Variants in NLRP14 observed in about 807,000 individuals in gnomAD.
NLRP14 encodes the protein NLR family pyrin domain containing 14.
A neutral mutation model predicts 94.7 loss-of-function variants in NLRP14; 105 were observed. The ratio of observed to expected loss-of-function variants is 1.11; its 90% confidence interval spans 0.95 to 1.30. The LOEUF is 1.30. Ranked by LOEUF, NLRP14 falls within the 50% of genes most tolerant of loss-of-function variation. NLRP14 has a pLI of 0.00. For missense variants in NLRP14, 1,362 were observed against 1,254.1 expected, an observed-to-expected ratio of 1.09 and a Z score of -1.30; for synonymous variants, 508 against 459.9, an observed-to-expected ratio of 1.10 and a Z score of -1.34.
intron 1 of NLRP14, among the ~76,000 whole-genome samples, chr11:7,032,184 T>C (rs1260331898): frequency 4.6e-5 from 7 of 152,224 alleles, no homozygotes; most frequent in African/African-American, 1.7e-4. Context: ...CTCAGTTGTG[T>C]TTTGAGTTAG....
intron 10 of NLRP14, among the ~76,000 whole-genome samples, chr11:7,067,477 G>C (rs1852721564): frequency 6.6e-6 from 1 of 152,154 alleles, no homozygotes; most frequent in African/African-American, 2.4e-5. Flanking sequence ...GTGAATGGGA[G>C]TTCACTCATG....
At chr11:7,072,121 A>G (rs1206777871), downstream of NLRP14, among the ~76,000 whole-genome samples, 19 of 152,232 alleles carry the variant, frequency 1.2e-4, no homozygotes, top group Admixed American at 1.2e-3. Context: ...GCTTAAAACA[A>G]TAATGATTTT....
chr11:7,090,475 G>A, the NLRP14 span: 6 of 836,032 alleles, frequency 7.2e-6, no homozygotes, highest in South Asian at 7.1e-5. Context: ...CTTAAAATTC[G>A]TTTAGTTTAG....
chr11:7,042,726 T>C lies in NLRP14; in HGVS notation c.700T>C (p.Ser234Pro). The C allele has an allele frequency of 6.2e-7, 1 of 1,614,190 alleles. No individual in the cohort carries two copies. Among genetic ancestry groups the C allele is most frequent in the Non-Finnish European group, 8.5e-7 (1 of 1,180,004 alleles). Residue 234 changes from serine (S) to proline (P), a missense_variant, in exon 4 of 12, where the codon TCA (serine) becomes CCA (proline). Transcript: ENST00000299481. ...LKERSFAQLI[S>P]KDWPSTEGPI... is the part of the protein sequence containing the mutation. ...AGAGAGAAGCTTTGCTCAATTGATA[T>C]CAAAGGACTGGCCCAGCACAGAAGG...
chr11:7,088,578 G>C, the NLRP14 span, among the ~76,000 whole-genome samples: 2 of 151,904 alleles, frequency 1.3e-5, no homozygotes, highest in African/African-American at 2.4e-5. Context: ...GGATAGACGA[G>C]GCTAAAAGCT....
intron 7 of NLRP14, among the ~76,000 whole-genome samples, 164 bp from the exon 8 acceptor site, chr11:7,058,116 C>T (rs1335609218): frequency 6.6e-6 from 1 of 151,778 alleles, no homozygotes; most frequent in Non-Finnish European, 1.5e-5. Context: ...TTCATCATAT[C>T]CTGCATACAG....
chr11:7,051,824 T>C (rs1343081906), intron 6 of NLRP14, among the ~76,000 whole-genome samples: 1 of 152,192 alleles, frequency 6.6e-6, no homozygotes, highest in East Asian at 1.9e-4. Flanking sequence ...GGTTTCACCA[T>C]GTTGGCCAGG....
chr11:7,080,338 C>T, the NLRP14 span, among the ~76,000 whole-genome samples: 1 of 152,160 alleles, frequency 6.6e-6, no homozygotes, highest in Non-Finnish European at 1.5e-5. Flanking sequence ...TACTATCTAT[C>T]CTTGATTACT....
chr11:7,069,144 A>G (rs1222369039), intron 10 of NLRP14, among the ~76,000 whole-genome samples: 1 of 152,226 alleles, frequency 6.6e-6, no homozygotes, highest in African/African-American at 2.4e-5. Context: ...GACTGAAAAT[A>G]TAAAATGATT....
chr11:7,049,353 T>C (rs550057791), intron 5 of NLRP14, among the ~76,000 whole-genome samples: 6 of 152,322 alleles, frequency 3.9e-5, no homozygotes, highest in South Asian at 2.1e-4. Flanking sequence ...GATTTGGCTA[T>C]TGTGAATTAA....
At chr11:7,075,255 G>A (rs1411868352), downstream of NLRP14, among the ~76,000 whole-genome samples, 3 of 152,230 alleles carry the variant, frequency 2.0e-5, no homozygotes, top group South Asian at 2.1e-4. Context: ...GCACTATCAC[G>A]AAATTTAAAG....
At chr11:7,030,825 G>T (rs879904836) in intron 1 of NLRP14, among the ~76,000 whole-genome samples, 1 of 152,152 alleles carries the variant, frequency 6.6e-6, no homozygotes, top group Non-Finnish European at 1.5e-5. Context: ...TCAATTCCCC[G>T]ACTTCCTCTT....
At chr11:7,076,612 C>T in the NLRP14 span, among the ~76,000 whole-genome samples, 4 of 152,166 alleles carry the variant, frequency 2.6e-5, no homozygotes, top group South Asian at 2.1e-4. Flanking sequence ...AATATCGCCT[C>T]CTCAGAGAGG....
chr11:7,032,834 G>A (rs1047295831), intron 1 of NLRP14, among the ~76,000 whole-genome samples: 3 of 152,102 alleles, frequency 2.0e-5, no homozygotes, highest in African/African-American at 7.2e-5. Flanking sequence ...AGTGTGAACT[G>A]TAACTCATAA....
chr11:7,070,429 C>G lies in NLRP14; in HGVS notation c.3119C>G (p.Ser1040Cys). 1 of 1,611,346 alleles carries G rather than the reference C, an allele frequency of 6.2e-7. No individual in the cohort carries two copies. Among genetic ancestry groups the G allele is most frequent in the Non-Finnish European group, 8.5e-7 (1 of 1,177,844 alleles). Reference sequence around the variant, plus strand: ...GTGAAGTTATATAAAGTCTTGAAGTCTCCTAAGTGTAAACTACAAGTTCTA... The same window carrying G: ...GTGAAGTTATATAAAGTCTTGAAGTGTCCTAAGTGTAAACTACAAGTTCTA... Reference protein sequence around the residue: ...GIVKLYKVLKSPKCKLQVLGL... With the variant: ...GIVKLYKVLKCPKCKLQVLGL... Residue 1040 changes from serine to cysteine, a missense_variant, in exon 11 of 12, where the codon TCT becomes TGT. Coordinates refer to ENST00000299481, the MANE Select transcript of NLRP14 (RefSeq NM_176822.4).
the NLRP14 span, chr11:7,089,212 A>G: frequency 6.2e-7 from 1 of 1,613,728 alleles, no homozygotes; most frequent in South Asian, 1.1e-5. Context: ...TTTGGCAAGT[A>G]TGGCCGCATC....
At chr11:7,058,890 A>G (rs962416151) in intron 8 of NLRP14, among the ~76,000 whole-genome samples, 5 of 151,946 alleles carry the variant, frequency 3.3e-5, no homozygotes, top group Admixed American at 1.3e-4. Context: ...TTTGTTAGAT[A>G]ATTTTCTAAA....
chr11:7,037,332 C>T (rs549000341), intron 1 of NLRP14, among the ~76,000 whole-genome samples: 1 of 152,278 alleles, frequency 6.6e-6, no homozygotes, highest in South Asian at 2.1e-4. Flanking sequence ...TCCAGATTTA[C>T]TATATGTTTC....
At chr11:7,083,346 C>T in the NLRP14 span, among the ~76,000 whole-genome samples, 5 of 152,350 alleles carry the variant, frequency 3.3e-5, no homozygotes, top group Middle Eastern at 6.8e-3. Flanking sequence ...TATCTCTCTG[C>T]CAATTCTTGA....
Sources: allele counts gnomAD v4.1 joint callset (sites outside exome capture counted in the v4.1 genomes callset), GRCh38; gene constraint gnomAD v4.1.1; transcripts MANE v1.5; gene names NCBI Gene and HGNC (gene_info 2026-07-23, HGNC 2026-07-21).